The following CHLSN variants were observed in gnomAD, a reference collection of about 807,000 sequenced individuals.
The protein encoded by CHLSN is protein cholesin.
chr7:1,100,458 C>T, the CHLSN span, among the ~76,000 whole-genome samples: 1 of 152,236 alleles, frequency 6.6e-6, no homozygotes, highest in African/African-American at 2.4e-5. Flanking sequence ...AGCTCTGAGG[C>T]GTGCGGCCCA....
the CHLSN span, among the ~76,000 whole-genome samples, chr7:1,042,673 A>G: frequency 6.6e-6 from 1 of 152,126 alleles, no homozygotes; most frequent in Non-Finnish European, 1.5e-5. Context: ...GCTCAGAGGA[A>G]GCTAACCTCT....
At chr7:1,008,814 ACG>A in the CHLSN span, among the ~76,000 whole-genome samples, 76 of 115,898 alleles carry the variant, frequency 6.6e-4, no homozygotes, top group Non-Finnish European at 1.2e-3. Flanking sequence ...ACATGTACAC[ACG>A]CACATATACA....
chr7:1,105,980 C>G, the CHLSN span, among the ~76,000 whole-genome samples: 1 of 151,656 alleles, frequency 6.6e-6, no homozygotes. Context: ...GAGGAGCACA[C>G]GGAGGGGAGA....
the CHLSN span, among the ~76,000 whole-genome samples, chr7:1,023,661 AC>A: frequency 5.7e-5 from 6 of 105,300 alleles, no homozygotes; most frequent in Non-Finnish European, 1.2e-4. The surrounding 1 kb of genome is among the most constrained non-coding windows in gnomAD (Gnocchi z 5.0). Context: ...ACACACACAC[AC>A]ACACACACAC....
the CHLSN span, among the ~76,000 whole-genome samples, chr7:1,135,713 C>A: frequency 6.7e-6 from 1 of 148,844 alleles, no homozygotes. Flanking sequence ...TGCAGTGAGC[C>A]GAGATCGCGC....
the CHLSN span, among the ~76,000 whole-genome samples, chr7:1,007,162 T>C: frequency 6.6e-6 from 1 of 152,090 alleles, no homozygotes; most frequent in East Asian, 1.9e-4. Flanking sequence ...CTCTCCACCA[T>C]GAGGGCTCAC....
chr7:1,092,306 TCACCGCCGTGCACCTGCAG>T, the CHLSN span: 1 of 1,611,856 alleles, frequency 6.2e-7, no homozygotes, highest in Non-Finnish European at 8.5e-7. Context: ...CTGGTGCCCT[TCACCGCCGTGCACCTGCAG>T]CACACCGACG....
the CHLSN span, among the ~76,000 whole-genome samples, chr7:1,090,911 C>A: frequency 2.0e-5 from 3 of 152,208 alleles, no homozygotes; most frequent in Non-Finnish European, 4.4e-5. Flanking sequence ...GAGGAAACCG[C>A]TGAACTTCTG....
the CHLSN span, among the ~76,000 whole-genome samples, chr7:985,520 T>G: frequency 6.6e-6 from 1 of 152,090 alleles, no homozygotes; most frequent in Admixed American, 6.6e-5. Context: ...GCCCCTGTGC[T>G]CTCCAGGAAA....
At chr7:1,127,691 GCAGTGGCACA>G in the CHLSN span, among the ~76,000 whole-genome samples, 1 of 58,714 alleles carries the variant, frequency 1.7e-5, no homozygotes, top group African/African-American at 4.7e-5. Context: ...GGGCTGGAGT[GCAGTGGCACA>G]ATCTCGGCTG....
the CHLSN span, chr7:1,058,340 C>G: frequency 1.3e-5 from 10 of 778,786 alleles, no homozygotes; most frequent in Non-Finnish European, 2.2e-5. Flanking sequence ...GGCTACTGCA[C>G]TTTGTGAAGG....
the CHLSN span, among the ~76,000 whole-genome samples, chr7:1,031,372 CA>C: frequency 1.4e-5 from 2 of 147,614 alleles, no homozygotes. Flanking sequence ...CAGAGACCTG[CA>C]GGGAGGGCAG....
At chr7:1,014,478 C>T in the CHLSN span, among the ~76,000 whole-genome samples, 1 of 152,252 alleles carries the variant, frequency 6.6e-6, no homozygotes, top group African/African-American at 2.4e-5. Flanking sequence ...GAGCCGTGCT[C>T]CCCAGCGTGA....
the CHLSN span, among the ~76,000 whole-genome samples, chr7:1,134,632 G>A: frequency 1.3e-5 from 2 of 151,968 alleles, no homozygotes; most frequent in African/African-American, 4.8e-5. Context: ...ACTTTGGGAG[G>A]CCGAGACAGG....
chr7:1,001,895 T>C, the CHLSN span, among the ~76,000 whole-genome samples: 2 of 44,556 alleles, frequency 4.5e-5, no homozygotes, highest in East Asian at 7.1e-4. Context: ...GTGAGTGGAG[T>C]CCTGTGGGTG....
At chr7:1,023,832 G>A in the CHLSN span, among the ~76,000 whole-genome samples, 1 of 152,152 alleles carries the variant, frequency 6.6e-6, no homozygotes, top group Non-Finnish European at 1.5e-5. The surrounding 1 kb of genome is among the most constrained non-coding windows in gnomAD (Gnocchi z 5.0). Flanking sequence ...GGGACTGGAG[G>A]CCCTTCCACA....
chr7:1,134,262 G>A, the CHLSN span, among the ~76,000 whole-genome samples: 2 of 149,196 alleles, frequency 1.3e-5, no homozygotes, highest in African/African-American at 2.6e-5. Context: ...GACAGAGTGA[G>A]AGACTGTCTC....
chr7:1,010,154 AG>A, the CHLSN span: 1 of 1,605,420 alleles, frequency 6.2e-7, no homozygotes. Context: ...CTGAAAGTCA[AG>A]GAACACATTA....
chr7:999,935 C>T, the CHLSN span, among the ~76,000 whole-genome samples: 1 of 152,238 alleles, frequency 6.6e-6, no homozygotes, highest in East Asian at 1.9e-4. Flanking sequence ...CACATCCTGC[C>T]CCTGAAAAGG....
Sources: gnomAD v4.1 joint callset for allele counts (sites outside exome capture counted in the v4.1 genomes callset) on GRCh38, gnomAD v4.1.1 for gene constraint, Gnocchi (gnomAD v3.1) non-coding constraint, MANE v1.5 for transcripts, NCBI Gene and HGNC (gene_info 2026-07-23, HGNC 2026-07-21) for gene names.